CCDC30: variants seen among roughly 807,000 people sequenced by gnomAD.
The protein encoded by CCDC30 is coiled-coil domain containing 30.
In CCDC30, 70 loss-of-function variants were observed where a neutral mutation model predicts 100.2. The observed-to-expected ratio is 0.70, with a 90% CI of 0.58 to 0.85. The LOEUF (loss-of-function observed/expected upper bound fraction) is 0.85, where lower values mean the gene tolerates loss of function less well. Ranked by LOEUF, CCDC30 falls within the 40% of genes least tolerant of loss-of-function variation. The pLI, the probability that CCDC30 is intolerant of heterozygous loss-of-function variation, is 0.00. For synonymous variants in CCDC30, 233 were observed against 269.5 expected (o/e 0.86, Z 1.33); for missense variants, 652 against 771.2 (o/e 0.85, Z 1.83).
chr1:42,502,364 G>A (rs1644329503), intron 6 of CCDC30, among the ~76,000 whole-genome samples: 1 of 152,182 alleles, frequency 6.6e-6, no homozygotes, highest in Non-Finnish European at 1.5e-5. Flanking sequence ...CAATTTTCCA[G>A]GTACCGTCTG....
At chr1:42,636,908 G>C (rs1173253167) in intron 11 of CCDC30, among the ~76,000 whole-genome samples, 2 of 136,820 alleles carry the variant, frequency 1.5e-5, no homozygotes, top group African/African-American at 5.5e-5. Context: ...GGAGGTTGCA[G>C]TGAGCTGAGA....
chr1:42,458,303 A>G (rs376838135), upstream of CCDC30, among the ~76,000 whole-genome samples: 1 of 152,174 alleles, frequency 6.6e-6, no homozygotes, highest in Admixed American at 6.5e-5. Context: ...GGGCTATTGT[A>G]GGTTAAGGAA....
intron 15 of CCDC30, among the ~76,000 whole-genome samples, chr1:42,648,229 C>T (rs1648046759): frequency 6.6e-6 from 1 of 152,118 alleles, no homozygotes; most frequent in African/African-American, 2.4e-5. Context: ...CATAAGCCAC[C>T]ATGCCTGGCC....
chr1:42,583,297 T>C (rs970904437), intron 9 of CCDC30, among the ~76,000 whole-genome samples: 2 of 152,210 alleles, frequency 1.3e-5, no homozygotes, highest in Admixed American at 6.5e-5. Context: ...ATGTCTAAAG[T>C]GGGAATTGTA....
At chr1:42,637,150 A>G in intron 11 of CCDC30, 87 bp from the exon 16 acceptor site, 1 of 1,032,618 alleles carries the variant, frequency 9.7e-7, no homozygotes. Context: ...AAGCAAGAAG[A>G]GGACACCCAA....
chr1:42,523,276 C>T (rs1228880606), intron 6 of CCDC30, among the ~76,000 whole-genome samples: 2 of 152,178 alleles, frequency 1.3e-5, no homozygotes, highest in Non-Finnish European at 2.9e-5. Context: ...ATAACGTAAA[C>T]AACTTTACAG....
At chr1:42,539,994 T>G (rs555070159) in intron 6 of CCDC30, among the ~76,000 whole-genome samples, 23 of 152,188 alleles carry the variant, frequency 1.5e-4, no homozygotes, top group African/African-American at 5.5e-4. Context: ...ACTGAAAGGT[T>G]GCCTGTATAA....
chr1:42,563,054 C>T (rs982565809), intron 6 of CCDC30, among the ~76,000 whole-genome samples: 1 of 152,162 alleles, frequency 6.6e-6, no homozygotes, highest in African/African-American at 2.4e-5. Flanking sequence ...GGTGATTCCT[C>T]AAGGATCTAG....
At chr1:42,539,841 A>G (rs1215124634) in intron 6 of CCDC30, among the ~76,000 whole-genome samples, 1 of 151,764 alleles carries the variant, frequency 6.6e-6, no homozygotes, top group Non-Finnish European at 1.5e-5. Flanking sequence ...CAGGAGTTAG[A>G]GGCTGTAGTG....
chr1:42,523,944 G>A (rs1265475038), intron 6 of CCDC30, among the ~76,000 whole-genome samples: 1 of 151,638 alleles, frequency 6.6e-6, no homozygotes, highest in Non-Finnish European at 1.5e-5. Flanking sequence ...TTCTTTTTAG[G>A]TTTTCTATCT....
intron 10 of CCDC30, chr1:42,592,838 T>G (rs1646213513): frequency 6.6e-6 from 1 of 152,320 alleles, no homozygotes; most frequent in Non-Finnish European, 1.5e-5. Flanking sequence ...ATCATGATTG[T>G]GAGCTTCCTG....
intron 1 of CCDC30, among the ~76,000 whole-genome samples, chr1:42,475,861 G>A (rs1643875815): frequency 6.6e-6 from 1 of 151,802 alleles, no homozygotes; most frequent in Non-Finnish European, 1.5e-5. Context: ...GTTTAGGGGA[G>A]GCAAAACTTT....
chr1:42,523,838 AT>A (rs1239294838), intron 6 of CCDC30, among the ~76,000 whole-genome samples: 11 of 152,174 alleles, frequency 7.2e-5, no homozygotes, highest in African/African-American at 2.6e-4. Flanking sequence ...AGGTTCACTG[AT>A]TATTTCTTCT....
At chr1:42,466,474 T>C (rs959438930) in intron 1 of CCDC30, among the ~76,000 whole-genome samples, 1 of 152,202 alleles carries the variant, frequency 6.6e-6, no homozygotes, top group Admixed American at 6.5e-5. Context: ...TTTCCAGAGA[T>C]TGGATTTTTA....
chr1:42,497,660 T>G (rs1166548937), intron 5 of CCDC30, among the ~76,000 whole-genome samples: 1 of 152,240 alleles, frequency 6.6e-6, no homozygotes, highest in Non-Finnish European at 1.5e-5. Flanking sequence ...TTAGTTTATA[T>G]TCATTAAATA....
chr1:42,563,705 C>T (rs368713858), intron 6 of CCDC30, among the ~76,000 whole-genome samples: 8 of 152,032 alleles, frequency 5.3e-5, no homozygotes, highest in Admixed American at 2.0e-4. Context: ...GGTGAAACCC[C>T]GTCTCTACTA....
chr1:42,456,116 C>T, the CCDC30 span: 4 of 755,708 alleles, frequency 5.3e-6, no homozygotes, highest in Admixed American at 4.0e-5. Flanking sequence ...CAGAGGGCGG[C>T]GGGACGTGAC....
At chr1:42,571,469 T>C (rs1443778472) in intron 7 of CCDC30, 1 of 147,412 alleles carries the variant, frequency 6.8e-6, no homozygotes, top group African/African-American at 2.6e-5. Flanking sequence ...ATACCAACCC[T>C]CCAAAATAAA....
rs72957953 is a variant in CCDC30, at chr1:42,540,591, C to G, written c.457-25705C>G. On this transcript the variant is annotated intron_variant, in intron 6 of 16. Transcript: ENST00000668663. ...AGTACAAAGACTTCCCATATACTTT[C>G]ACTCTTCCAAATGTTAACATGGTAT... Among the ~76,000 whole-genome samples, 13 of 152,122 alleles carry G rather than the reference C, an allele frequency of 8.5e-5. No individual in the cohort carries two copies. In the East Asian group the frequency reaches 2.5e-3, roughly 29 times the overall value.
Sources: allele counts gnomAD v4.1 joint callset (sites outside exome capture counted in the v4.1 genomes callset), GRCh38; gene constraint gnomAD v4.1.1; transcripts MANE v1.5; gene names NCBI Gene and HGNC (gene_info 2026-07-23, HGNC 2026-07-21).